Variants in CREB5 observed in about 807,000 individuals in gnomAD.
The protein encoded by CREB5 is cAMP responsive element binding protein 5, also known as cyclic AMP-responsive element-binding protein 5.
Under a neutral mutation model 57.1 loss-of-function variants are expected in CREB5, and 19 were observed. The observed-to-expected ratio is 0.33, with a 90% CI of 0.23 to 0.49. The LOEUF (loss-of-function observed/expected upper bound fraction) is 0.49, where lower values mean the gene tolerates loss of function less well. Ranked by LOEUF, CREB5 falls within the 20% of genes least tolerant of loss-of-function variation. CREB5 has a pLI of 0.99. For missense variants in CREB5, 579 were observed against 671.6 expected (o/e 0.86, Z 1.52); for synonymous variants, 238 against 238.3 (o/e 1.00, Z 0.01).
intron 1 of CREB5, among the ~76,000 whole-genome samples, chr7:28,415,789 A>T (rs1363725496): frequency 6.6e-6 from 1 of 152,232 alleles, no homozygotes; most frequent in African/African-American, 2.4e-5. Context: ...GGGATCTGAA[A>T]TATTATTTAA....
chr7:28,522,490 G>T (rs181935968), intron 4 of CREB5, among the ~76,000 whole-genome samples: 7 of 150,060 alleles, frequency 4.7e-5, no homozygotes, highest in Admixed American at 2.7e-4. Flanking sequence ...CCGCCTCCCA[G>T]GTTCAAGCAA....
At chr7:28,743,077 C>G (rs1804466942) in intron 7 of CREB5, among the ~76,000 whole-genome samples, 1 of 152,174 alleles carries the variant, frequency 6.6e-6, no homozygotes, top group Admixed American at 6.5e-5. Flanking sequence ...AGCCACCGTG[C>G]CCAGCTTATT....
chr7:28,627,492 C>T (rs1464504512), intron 5 of CREB5, among the ~76,000 whole-genome samples: 9 of 152,130 alleles, frequency 5.9e-5, no homozygotes, highest in Admixed American at 4.6e-4. Context: ...CATGAGGTCA[C>T]GGTTGCAAAA....
chr7:28,558,168 C>T (rs1794949310), intron 4 of CREB5, among the ~76,000 whole-genome samples: 1 of 152,262 alleles, frequency 6.6e-6, no homozygotes, highest in South Asian at 2.1e-4. Flanking sequence ...ACAGACTAAG[C>T]CTCTCACTGA....
chr7:28,509,615 A>G lies in CREB5; in HGVS notation c.291+1878A>G, dbSNP rs78582425. 1.8e-3 allele frequency among the ~76,000 whole-genome samples: 279 copies of G among 152,356 alleles called. 1 individual carries two copies. The highest frequency in any genetic ancestry group is 2.7e-3 in the Admixed American group (42 of 15,300). Reference sequence around the variant, plus strand: ...CTGGTTCTGATTTTTAATTTAAAAAACATTGTCATGCTATACATGTTTCGT... The same window carrying G: ...CTGGTTCTGATTTTTAATTTAAAAAGCATTGTCATGCTATACATGTTTCGT... On this transcript the variant is annotated intron_variant, in intron 4 of 10. Transcript: ENST00000357727.
chr7:28,531,427 T>A (rs997577868), intron 4 of CREB5, among the ~76,000 whole-genome samples: 1 of 152,166 alleles, frequency 6.6e-6, no homozygotes, highest in Non-Finnish European at 1.5e-5. Context: ...TCCACCTTCA[T>A]GTTCATATGG....
At chr7:28,793,452 C>G (rs1176324718) in intron 7 of CREB5, among the ~76,000 whole-genome samples, 1 of 152,230 alleles carries the variant, frequency 6.6e-6, no homozygotes, top group African/African-American at 2.4e-5. Flanking sequence ...TGGTACACAT[C>G]TTGCTATTTC....
At chr7:28,613,578 G>A (rs1305633746) in intron 5 of CREB5, among the ~76,000 whole-genome samples, 3 of 152,232 alleles carry the variant, frequency 2.0e-5, no homozygotes, top group Non-Finnish European at 4.4e-5. Flanking sequence ...CAAAGTTAGA[G>A]ATAAGCTCTG....
Position 28,458,479 on chromosome 7 carries a change from G to A in CREB5, c.4-29696G>A, listed in dbSNP as rs921340839. Among the ~76,000 whole-genome samples, 3 of 152,120 alleles carry A rather than the reference G, an allele frequency of 2.0e-5. 1 individual carries two copies. Among genetic ancestry groups the A allele is most frequent in the South Asian group, 4.2e-4 (2 of 4,818 alleles). On this transcript the variant is annotated intron_variant, in intron 1 of 10. Transcript: ENST00000357727. Reference sequence around the variant, plus strand: ...AGTTTACAGGGACATTTAAGAAAAGGCCTTTTACTATTATTTAATTTCAAA... The same window carrying A: ...AGTTTACAGGGACATTTAAGAAAAGACCTTTTACTATTATTTAATTTCAAA...
At chr7:28,351,589 C>T (rs956450759) in intron 1 of CREB5, among the ~76,000 whole-genome samples, 9 of 152,120 alleles carry the variant, frequency 5.9e-5, no homozygotes, top group Non-Finnish European at 1.3e-4. Flanking sequence ...TATACTTTTT[C>T]ATTATCCTCA....
At chr7:28,742,471 C>G (rs974306059) in intron 7 of CREB5, among the ~76,000 whole-genome samples, 2 of 151,802 alleles carry the variant, frequency 1.3e-5, no homozygotes, top group East Asian at 3.9e-4. Flanking sequence ...GAGGCTGAGG[C>G]AGGAGAATGG....
intron 4 of CREB5, among the ~76,000 whole-genome samples, chr7:28,561,741 G>C (rs541575895): frequency 1.3e-5 from 2 of 152,324 alleles, no homozygotes; most frequent in South Asian, 4.1e-4. Context: ...ACAGTGAACA[G>C]TTATGTCATT....
chr7:28,347,489 CT>C (rs1379690961), intron 1 of CREB5, among the ~76,000 whole-genome samples: 1 of 152,170 alleles, frequency 6.6e-6, no homozygotes, highest in African/African-American at 2.4e-5. Context: ...CAGAGAGGAA[CT>C]CATATTAAAG....
chr7:28,534,161 G>A (rs899645707), intron 4 of CREB5, among the ~76,000 whole-genome samples: 5 of 152,220 alleles, frequency 3.3e-5, no homozygotes, highest in Admixed American at 6.5e-5. Context: ...CTTGCCCTTC[G>A]TATTATTGTC....
rs79758261 is a variant in CREB5 at position 28,688,559 on chromosome 7, T to C, written c.465-30194T>C. Among the ~76,000 whole-genome samples, 1,364 of 152,348 alleles carry C rather than the reference T, an allele frequency of 9.0e-3. 21 individuals are homozygous for C. The highest frequency in any genetic ancestry group is 0.03 in the African/African-American group (1,267 of 41,592). ...AGATCATGAAAAGCAAAACCGTATG[T>C]GCTTGTTAGATAATTTTCCAGACAA... is the stretch of plus-strand genomic sequence containing the variant. On this transcript the variant is annotated intron_variant, in intron 5 of 10. Transcript: ENST00000357727.
intron 1 of CREB5, among the ~76,000 whole-genome samples, chr7:28,383,893 T>C (rs556413860): frequency 1.3e-5 from 2 of 152,348 alleles, no homozygotes; most frequent in Admixed American, 1.3e-4. Context: ...CAAGTACACC[T>C]ACAAATCACT....
intron 1 of CREB5, among the ~76,000 whole-genome samples, chr7:28,442,084 C>A (rs1219812927): frequency 2.0e-5 from 3 of 152,172 alleles, no homozygotes; most frequent in African/African-American, 7.2e-5. Flanking sequence ...CCACTGTCCT[C>A]TCCTCATCCC....
chr7:28,513,177 G>A (rs756685513), intron 4 of CREB5, among the ~76,000 whole-genome samples: 1 of 152,248 alleles, frequency 6.6e-6, no homozygotes, highest in African/African-American at 2.4e-5. Context: ...CCCATCAGCC[G>A]CTAGCCAGCA....
chr7:28,794,550 C>T (rs776318720), intron 7 of CREB5, among the ~76,000 whole-genome samples: 1 of 152,162 alleles, frequency 6.6e-6, no homozygotes, highest in Non-Finnish European at 1.5e-5. Flanking sequence ...TGACATAATG[C>T]TTAAGGAGCT....
Sources: allele counts gnomAD v4.1 joint callset (sites outside exome capture counted in the v4.1 genomes callset), GRCh38; gene constraint gnomAD v4.1.1; transcripts MANE v1.5; gene names NCBI Gene and HGNC (gene_info 2026-07-23, HGNC 2026-07-21).